OLFM3: variants seen among roughly 807,000 people sequenced by gnomAD.
OLFM3 encodes olfactomedin 3.
Under a neutral mutation model 48.6 loss-of-function variants are expected in OLFM3, and 20 were observed. The ratio of observed to expected loss-of-function variants is 0.41; its 90% CI spans 0.29 to 0.60. OLFM3 has a LOEUF of 0.60. Ranked by LOEUF, OLFM3 falls within the 20% of genes least tolerant of loss-of-function variation. OLFM3 has a pLI of 0.28. For missense variants in OLFM3, 437 were observed against 544.3 expected (o/e 0.80, Z 1.96); for synonymous variants, 222 against 198.1 (o/e 1.12, Z -1.01).
intron 1 of OLFM3, among the ~76,000 whole-genome samples, chr1:101,948,804 G>A (rs936980308): frequency 1.3e-5 from 2 of 149,614 alleles, no homozygotes; most frequent in Non-Finnish European, 1.5e-5. Context: ...ATAGAAATGA[G>A]TCTTTTCTCT....
chr1:101,869,806 A>G (rs568226943), intron 1 of OLFM3, among the ~76,000 whole-genome samples: 1 of 152,164 alleles, frequency 6.6e-6, no homozygotes, highest in Non-Finnish European at 1.5e-5. Flanking sequence ...TGGTTTTGTA[A>G]CCATCTGGTG....
intron 1 of OLFM3, among the ~76,000 whole-genome samples, chr1:101,948,717 C>CA (rs1660032330): frequency 6.6e-6 from 1 of 151,828 alleles, no homozygotes; most frequent in African/African-American, 2.4e-5. Context: ...AACTGGATGT[C>CA]AAAACACTCA....
chr1:101,820,686 C>T (rs1654569572), intron 4 of OLFM3, among the ~76,000 whole-genome samples: 1 of 151,936 alleles, frequency 6.6e-6, no homozygotes, highest in Non-Finnish European at 1.5e-5. Context: ...ATGATTCCTT[C>T]GGGATCTTAT....
chr1:101,947,906 C>A (rs79519731), intron 1 of OLFM3, among the ~76,000 whole-genome samples: 10,639 of 152,068 alleles, frequency 0.07, 433 homozygotes, highest in South Asian at 0.14. Context: ...ATTCCTGGCA[C>A]AAGTAAGAGC....
At chr1:101,807,233 C>A (rs1349554253) in intron 4 of OLFM3, among the ~76,000 whole-genome samples, 3 of 151,640 alleles carry the variant, frequency 2.0e-5, no homozygotes, top group African/African-American at 7.3e-5. Flanking sequence ...TTTTGAACAG[C>A]AAAATTTAGA....
At chr1:101,888,100 A>G (rs1292099369) in intron 1 of OLFM3, among the ~76,000 whole-genome samples, 1 of 152,142 alleles carries the variant, frequency 6.6e-6, no homozygotes, top group Non-Finnish European at 1.5e-5. Context: ...ATTCAATGCC[A>G]TCCCTATCAA....
At chr1:101,878,532 G>A (rs116520544) in intron 1 of OLFM3, among the ~76,000 whole-genome samples, 2,084 of 151,922 alleles carry the variant, frequency 0.014, 51 homozygotes, top group African/African-American at 0.047. Context: ...TCTGTAGCAC[G>A]GAGGCTCTAA....
intron 1 of OLFM3, among the ~76,000 whole-genome samples, chr1:101,928,457 T>A (rs997419744): frequency 6.6e-6 from 1 of 152,160 alleles, no homozygotes; most frequent in Admixed American, 6.5e-5. Flanking sequence ...CTTCTTTTAC[T>A]AAGAGAGTGT....
intron 1 of OLFM3, among the ~76,000 whole-genome samples, chr1:101,992,891 G>A (rs1661455674): frequency 6.6e-6 from 1 of 152,142 alleles, no homozygotes; most frequent in African/African-American, 2.4e-5. Flanking sequence ...GCCTTGGACA[G>A]AAACCACAGT....
rs188259575 is a variant in OLFM3 at position 101,975,025 on chromosome 1, G to A, written c.69+21723C>T. Among the ~76,000 whole-genome samples, 4 of 152,252 alleles carry A rather than the reference G, an allele frequency of 2.6e-5. No individual in the cohort carries two copies. The East Asian group carries it at 5.8e-4, about 22-fold the overall frequency. ...TTGATTACGACTTTAATTCAACAAT[G>A]AGAAGCCAATATAAACTCATCAGTT... is the stretch of plus-strand genomic sequence containing the variant. On this transcript the variant is annotated intron_variant, in intron 1 of 5. Coordinates refer to ENST00000370103, the MANE Select transcript of OLFM3 (RefSeq NM_058170.4).
At chr1:101,902,184 G>T (rs1658409899) in intron 1 of OLFM3, among the ~76,000 whole-genome samples, 1 of 151,966 alleles carries the variant, frequency 6.6e-6, no homozygotes, top group Admixed American at 6.6e-5. Flanking sequence ...AATAGGGAGG[G>T]AGTGCAAGAA....
At chr1:101,832,125 G>GTAA (rs1655185675) in intron 2 of OLFM3, among the ~76,000 whole-genome samples, 1 of 152,152 alleles carries the variant, frequency 6.6e-6, no homozygotes. Flanking sequence ...ATCACCTCAA[G>GTAA]TAATCCACCC....
rs1291376210 is a variant in OLFM3, at chr1:101,990,090, T to C, written c.69+6658A>G. ...TCTTCTCCATGATTAGTTTAAAAGT[T>C]CTTTTCTTGATGCAGTTGGGCTTTG... On this transcript the variant is annotated intron_variant, in intron 1 of 5. Transcript: ENST00000370103. Among the ~76,000 whole-genome samples the C allele has an allele frequency of 2.0e-5, 3 of 152,242 alleles. No homozygotes were observed. The East Asian group carries it at 5.8e-4, about 29-fold the overall frequency.
chr1:101,934,399 C>A (rs948675156), intron 1 of OLFM3, among the ~76,000 whole-genome samples: 3 of 152,102 alleles, frequency 2.0e-5, no homozygotes, highest in Admixed American at 1.3e-4. Context: ...GTAAGGGGTT[C>A]AATTCAACAA....
At chr1:101,827,762 C>G (rs4908188) in intron 3 of OLFM3, among the ~76,000 whole-genome samples, 45,028 of 152,050 alleles carry the variant, frequency 0.3, 7,146 homozygotes, top group Non-Finnish European at 0.36. Flanking sequence ...ATTGGACTTT[C>G]TGAATTTGAA....
intron 1 of OLFM3, among the ~76,000 whole-genome samples, chr1:101,980,123 TA>T (rs1661067828): frequency 2.0e-5 from 3 of 152,202 alleles, no homozygotes; most frequent in Non-Finnish European, 4.4e-5. Context: ...TTGTATCTAG[TA>T]ACTAACTTGC....
At chr1:101,857,872 C>T (rs1656493478) in intron 1 of OLFM3, among the ~76,000 whole-genome samples, 1 of 152,040 alleles carries the variant, frequency 6.6e-6, no homozygotes, top group South Asian at 2.1e-4. Context: ...AAGCACAGAT[C>T]ATTGTAATAT....
chr1:101,862,869 T>C (rs891533588), intron 1 of OLFM3, among the ~76,000 whole-genome samples: 1 of 152,184 alleles, frequency 6.6e-6, no homozygotes, highest in Admixed American at 6.5e-5. Context: ...ACATTAAAAA[T>C]AGGCATAAAT....
intron 1 of OLFM3, among the ~76,000 whole-genome samples, chr1:101,875,017 T>G (rs1657243306): frequency 6.6e-6 from 1 of 151,994 alleles, no homozygotes; most frequent in Non-Finnish European, 1.5e-5. Context: ...ACTAACAATT[T>G]CATTAAGTAG....
Sources: gnomAD v4.1 joint callset for allele counts (sites outside exome capture counted in the v4.1 genomes callset) on GRCh38, gnomAD v4.1.1 for gene constraint, MANE v1.5 for transcripts, NCBI Gene and HGNC (gene_info 2026-07-23, HGNC 2026-07-21) for gene names.